TENM3: variants seen among roughly 807,000 people sequenced by gnomAD.
TENM3 encodes teneurin-3.
Under a neutral mutation model 255.1 loss-of-function variants are expected in TENM3, and 63 were observed. The observed-to-expected ratio is 0.25, with a 90% CI of 0.20 to 0.30. The LOEUF is 0.30. TENM3 is among the 10% of genes least tolerant of loss of function. The probability of loss-of-function intolerance (pLI) is 1.00; values close to 1 mark genes in which losing one functional copy is unlikely to be tolerated. For synonymous variants in TENM3, 1,306 were observed against 1,322.3 expected, an observed-to-expected ratio of 0.99 and a Z score of 0.27; for missense variants, 2,929 against 3,461.1, an observed-to-expected ratio of 0.85 and a Z score of 3.86.
the TENM3 span, among the ~76,000 whole-genome samples, chr4:182,107,151 T>TACACACACACACACAC: frequency 2.7e-5 from 4 of 145,964 alleles, no homozygotes; most frequent in South Asian, 2.2e-4. Context: ...AAACAGAACA[T>TACACACACACACACAC]ACACACACAC....
the TENM3 span, among the ~76,000 whole-genome samples, chr4:181,895,510 T>C: frequency 6.6e-6 from 1 of 151,270 alleles, no homozygotes; most frequent in Non-Finnish European, 1.5e-5. Context: ...CCATCTTTTC[T>C]GTGCAACTTT....
intron 11 of TENM3, 76 bp from the exon 12 acceptor site, chr4:182,688,090 A>T (rs1756726829): frequency 7.5e-7 from 1 of 1,339,570 alleles, no homozygotes; most frequent in African/African-American, 1.5e-5. Context: ...TGTGGAAGAT[A>T]AAAGCTGCTT....
chr4:182,194,619 A>G (rs935782651), intron 1 of TENM3, among the ~76,000 whole-genome samples: 17 of 152,348 alleles, frequency 1.1e-4, no homozygotes, highest in Non-Finnish European at 1.9e-4. Context: ...TTTAACTCAT[A>G]AAAGCTTAGG....
At chr4:182,470,367 C>G (rs1733002002) in intron 3 of TENM3, among the ~76,000 whole-genome samples, 2 of 152,170 alleles carry the variant, frequency 1.3e-5, no homozygotes, top group African/African-American at 2.4e-5. Context: ...TCTATTTAAC[C>G]CCGTTTAACA....
At chr4:181,667,697 G>A in the TENM3 span, among the ~76,000 whole-genome samples, 2 of 152,148 alleles carry the variant, frequency 1.3e-5, no homozygotes, top group African/African-American at 4.8e-5. Flanking sequence ...GGACTTCTCA[G>A]CCTCCAGAAC....
At chr4:182,114,523 T>C in the TENM3 span, among the ~76,000 whole-genome samples, 1 of 152,124 alleles carries the variant, frequency 6.6e-6, no homozygotes, top group African/African-American at 2.4e-5. Context: ...ATTTCAGATA[T>C]GAATGTAGAA....
chr4:182,043,155 T>C, the TENM3 span, among the ~76,000 whole-genome samples: 1 of 152,290 alleles, frequency 6.6e-6, no homozygotes, highest in South Asian at 2.1e-4. Flanking sequence ...CATTCCTGCG[T>C]GCACACATAC....
chr4:182,295,256 C>CTTTTTTTTTTT (rs1365630117), intron 1 of TENM3, among the ~76,000 whole-genome samples: 1 of 121,536 alleles, frequency 8.2e-6, no homozygotes, highest in Non-Finnish European at 1.7e-5. Context: ...ATGTGCTTTG[C>CTTTTTTTTTTT]TTTTCTTTTT....
chr4:181,761,305 G>A, the TENM3 span, among the ~76,000 whole-genome samples: 3 of 151,958 alleles, frequency 2.0e-5, no homozygotes, highest in East Asian at 1.9e-4. Context: ...CATAACTGCC[G>A]TATAAAGTAA....
the TENM3 span, among the ~76,000 whole-genome samples, chr4:181,748,187 T>C: frequency 6.6e-6 from 1 of 152,216 alleles, no homozygotes; most frequent in Non-Finnish European, 1.5e-5. Flanking sequence ...GATGTTTCAA[T>C]TTGAACTGAA....
the TENM3 span, among the ~76,000 whole-genome samples, chr4:181,448,805 CG>C: frequency 8.6e-5 from 13 of 151,998 alleles, no homozygotes; most frequent in Non-Finnish European, 1.2e-4. Context: ...TGCAGCTTCA[CG>C]TTTTTTTACT....
At chr4:182,694,142 C>T (rs913754786) in intron 12 of TENM3, among the ~76,000 whole-genome samples, 2 of 151,822 alleles carry the variant, frequency 1.3e-5, no homozygotes, top group African/African-American at 4.8e-5. Flanking sequence ...CAGGGTCTCA[C>T]TCAGTTGCCC....
the TENM3 span, among the ~76,000 whole-genome samples, chr4:181,836,035 C>T: frequency 6.6e-6 from 1 of 152,118 alleles, no homozygotes; most frequent in African/African-American, 2.4e-5. Context: ...GACATCTCTG[C>T]TCATTGCAGC....
the TENM3 span, among the ~76,000 whole-genome samples, chr4:181,620,027 G>A: frequency 6.6e-6 from 1 of 152,056 alleles, no homozygotes; most frequent in Admixed American, 6.6e-5. Flanking sequence ...TTGGGAGGCC[G>A]AGGCAGGCAG....
intron 5 of TENM3, among the ~76,000 whole-genome samples, chr4:182,630,099 G>A (rs1303089271): frequency 7.9e-5 from 12 of 152,090 alleles, no homozygotes; most frequent in Admixed American, 5.9e-4. Flanking sequence ...TACCTCTGAC[G>A]GCCTCTACCA....
At chr4:182,458,176 ACT>A (rs1194088346) in intron 3 of TENM3, among the ~76,000 whole-genome samples, 4 of 152,014 alleles carry the variant, frequency 2.6e-5, no homozygotes, top group Admixed American at 6.6e-5. Flanking sequence ...GCTAATGTCC[ACT>A]CTCTGATTAA....
chr4:182,220,378 CAA>C (rs60851113), intron 1 of TENM3, among the ~76,000 whole-genome samples: 2,364 of 77,224 alleles, frequency 0.031, 21 homozygotes, highest in African/African-American at 0.12. Context: ...CTCTGTCTCA[CAA>C]AAAAAAAAAA....
chr4:182,732,017 G>A lies in TENM3; in HGVS notation c.2967+878G>A, dbSNP rs923150436. ...AGGATGGTCTCCATCTCCTGACCTC[G>A]TGATCCGCCCACCTTGACCTCCCAA... On this transcript the variant is annotated intron_variant, in intron 16 of 27. Coordinates refer to ENST00000511685, the MANE Select transcript of TENM3 (RefSeq NM_001080477.4). Among the ~76,000 whole-genome samples the A allele has an allele frequency of 1.2e-4, 18 of 151,980 alleles. No individual in the cohort carries two copies. In the East Asian group the frequency reaches 1.4e-3, roughly 11 times the overall value.
Position 182,204,627 on chromosome 4 carries a change from G to A in TENM3, c.-76+59873G>A, listed in dbSNP as rs561634074. On this transcript the variant is annotated intron_variant, in intron 1 of 2. Coordinates refer to the TENM3 transcript ENST00000512480. ...TGCCTCAACGTAGTCAGCACATCGT[G>A]GTCTTTTCATTCACACATTTCCTTT... 3.3e-5 allele frequency among the ~76,000 whole-genome samples: 5 copies of A among 152,178 alleles called. 1 individual carries two copies. Among genetic ancestry groups the A allele is most frequent in the African/African-American group, 9.6e-5 (4 of 41,540 alleles).
Sources: gnomAD v4.1 joint callset for allele counts (sites outside exome capture counted in the v4.1 genomes callset) on GRCh38, gnomAD v4.1.1 for gene constraint, MANE v1.5 for transcripts, NCBI Gene and HGNC (gene_info 2026-07-23, HGNC 2026-07-21) for gene names.